ZFYVE16: variants seen among roughly 807,000 people sequenced by gnomAD.
The protein encoded by ZFYVE16 is zinc finger FYVE domain-containing protein 16.
A neutral mutation model predicts 138.1 loss-of-function variants in ZFYVE16; 89 were observed. The ratio of observed to expected loss-of-function variants is 0.64; its 90% CI spans 0.54 to 0.77. The LOEUF (loss-of-function observed/expected upper bound fraction) is 0.77. Ranked by LOEUF, ZFYVE16 falls within the 30% of genes least tolerant of loss-of-function variation. The pLI is 0.00. For missense variants in ZFYVE16, 1,793 were observed against 1,786.7 expected (o/e 1.00, Z -0.06); for synonymous variants, 596 against 618.3 (o/e 0.96, Z 0.53).
In ZFYVE16 at chr5:80,450,477, C is replaced by T. The variant is rs1751867096; in HGVS notation, c.3273C>T (p.Gly1091=). The T allele has an allele frequency of 1.9e-6, 3 of 1,613,612 alleles. No individual in the cohort carries two copies. Among genetic ancestry groups the T allele is most frequent in the Non-Finnish European group, 2.5e-6 (3 of 1,179,734 alleles). Residue 1091 remains glycine, a synonymous_variant, in exon 10 of 19, where the codon GGC becomes GGT. Transcript: ENST00000505560. The part of the protein sequence containing the change: ...YWYFSTNGLH[G]LGQAEIIILL... Reference sequence around the variant, plus strand: ...ACTTTTCAACCAATGGATTGCATGGCTTGGGACAGGCAGAAATTATTATTC... The same window carrying T: ...ACTTTTCAACCAATGGATTGCATGGTTTGGGACAGGCAGAAATTATTATTC...
At chr5:80,407,621 G>A (rs893570501), upstream of ZFYVE16, among the ~76,000 whole-genome samples, 9 of 152,236 alleles carry the variant, frequency 5.9e-5, no homozygotes, top group Non-Finnish European at 1.2e-4. Flanking sequence ...TGTTTTCCGA[G>A]GGGCCAGCAG....
chr5:80,466,642 C>G (rs1753785714), intron 15 of ZFYVE16, among the ~76,000 whole-genome samples: 1 of 152,082 alleles, frequency 6.6e-6, no homozygotes, highest in Non-Finnish European at 1.5e-5. Context: ...CATATACAGG[C>G]CATATTTTCC....
chr5:80,432,050 C>A (rs989334179), intron 2 of ZFYVE16, among the ~76,000 whole-genome samples: 8 of 152,180 alleles, frequency 5.3e-5, no homozygotes, highest in Admixed American at 3.9e-4. Context: ...CATCAAGCTA[C>A]CAATGACTTT....
chr5:80,441,288 C>T (rs1750682167), intron 5 of ZFYVE16: 1 of 985,126 alleles, frequency 1.0e-6, no homozygotes, highest in African/African-American at 1.7e-5. Context: ...TATTTTGACT[C>T]TAAGGGTCCA....
intron 1 of ZFYVE16, among the ~76,000 whole-genome samples, chr5:80,414,617 A>G (rs1745936291): frequency 6.6e-6 from 1 of 152,164 alleles, no homozygotes; most frequent in Non-Finnish European, 1.5e-5. Context: ...GCAAGTATGT[A>G]TTGAGCACAT....
At chr5:80,429,092 G>A (rs550006634) in intron 2 of ZFYVE16, among the ~76,000 whole-genome samples, 170 of 152,124 alleles carry the variant, frequency 1.1e-3, no homozygotes, top group African/African-American at 4.0e-3. Context: ...TTCAAATTCA[G>A]GAATACAGAG....
intron 1 of ZFYVE16, among the ~76,000 whole-genome samples, chr5:80,419,943 C>T (rs1309139600): frequency 1.3e-5 from 2 of 151,680 alleles, no homozygotes; most frequent in Non-Finnish European, 2.9e-5. Context: ...TCCTGAGTAG[C>T]TGGGATTACA....
intron 4 of ZFYVE16, among the ~76,000 whole-genome samples, chr5:80,439,256 T>C (rs917346924): frequency 6.6e-6 from 1 of 152,238 alleles, no homozygotes; most frequent in Non-Finnish European, 1.5e-5. Context: ...ATTTAGTTAC[T>C]AATTTTTGTG....
chr5:80,456,906 T>G, intron 13 of ZFYVE16, 39 bp from the exon 14 acceptor site: 1 of 1,568,736 alleles, frequency 6.4e-7, no homozygotes, highest in Non-Finnish European at 8.6e-7. Flanking sequence ...ATATTAAAAG[T>G]GTTTCTAAAT....
intron 15 of ZFYVE16, among the ~76,000 whole-genome samples, chr5:80,468,932 A>G (rs958397921): frequency 1.3e-5 from 2 of 152,026 alleles, no homozygotes; most frequent in African/African-American, 4.8e-5. Flanking sequence ...CTAATATAAT[A>G]GAAGCAATAA....
rs1752462532 is a variant in ZFYVE16, at chr5:80,455,729, A to T, written c.3645A>T (p.Lys1215Asn). The T allele has an allele frequency of 6.3e-7, 1 of 1,593,686 alleles. No individual in the cohort carries two copies. Among genetic ancestry groups the T allele is most frequent in the Middle Eastern group, 1.7e-4 (1 of 6,012 alleles). Residue 1215 changes from lysine (K) to asparagine (N), a missense_variant, in exon 12 of 19, where the codon AAA (lysine) becomes AAT (asparagine). Physicochemically the swap from Lys to Asn is moderately conservative, Grantham distance 94 (BLOSUM62 0). Transcript: ENST00000505560. ...CTCTAACAAGCATCAGAGGCCGAAAACCTCTTTTTGGAGAAATAGGACACA... is the reference window on the plus strand; with the variant it reads ...CTCTAACAAGCATCAGAGGCCGAAATCCTCTTTTTGGAGAAATAGGACACA... Reference protein sequence around the residue: ...PAPLTSIRGRKPLFGEIGHTI... With the variant: ...PAPLTSIRGRNPLFGEIGHTI...
At chr5:80,458,004 C>T (rs1000828308) in intron 14 of ZFYVE16, among the ~76,000 whole-genome samples, 8 of 129,604 alleles carry the variant, frequency 6.2e-5, no homozygotes, top group South Asian at 2.3e-4. Flanking sequence ...CCCGCCTGAG[C>T]GACAGAGAAA....
chr5:80,442,024 A>T (rs1225653928), intron 5 of ZFYVE16: 2 of 659,140 alleles, frequency 3.0e-6, no homozygotes, highest in Non-Finnish European at 3.8e-6. Flanking sequence ...AAACAAAAAG[A>T]TATCAGATGG....
chr5:80,455,494 G>A (rs576254280), intron 11 of ZFYVE16, 198 bp from the exon 12 acceptor site: 13 of 509,468 alleles, frequency 2.6e-5, no homozygotes, highest in Admixed American at 1.1e-4. Context: ...AGATTGCACC[G>A]CTGCACTCCA....
At chr5:80,427,601 T>C (rs1748269414) in intron 2 of ZFYVE16, 56 bp downstream of exon 2, 1 of 139,742 alleles carries the variant, frequency 7.2e-6, no homozygotes, top group Non-Finnish European at 1.5e-5. Flanking sequence ...CTTGTGCCTC[T>C]GTCGTATGCT....
At chr5:80,455,944 G>A (rs1006118524) in intron 12 of ZFYVE16, 170 bp downstream of exon 12, 2 of 600,762 alleles carry the variant, frequency 3.3e-6, no homozygotes, top group South Asian at 2.3e-5. Flanking sequence ...AGTTTTTGAC[G>A]AATTGCTTTT....
chr5:80,416,246 G>GTTTTTT (rs1746206841), intron 1 of ZFYVE16, among the ~76,000 whole-genome samples: 1 of 107,926 alleles, frequency 9.3e-6, no homozygotes, highest in African/African-American at 3.4e-5. Flanking sequence ...TGAATACATA[G>GTTTTTT]ATTTTTTTTT....
chr5:80,416,484 G>T (rs542506510), intron 1 of ZFYVE16, among the ~76,000 whole-genome samples: 172 of 151,176 alleles, frequency 1.1e-3, no homozygotes, highest in African/African-American at 4.0e-3. Context: ...TCGATCTCTT[G>T]ACCTCAGGTG....
intron 15 of ZFYVE16, among the ~76,000 whole-genome samples, chr5:80,464,146 A>C (rs1267648032): frequency 6.6e-6 from 1 of 152,120 alleles, no homozygotes; most frequent in East Asian, 1.9e-4. Context: ...TCTTTATAGC[A>C]ACACCCCACT....
Sources: allele counts gnomAD v4.1 joint callset (sites outside exome capture counted in the v4.1 genomes callset), GRCh38; gene constraint gnomAD v4.1.1; transcripts MANE v1.5; gene names NCBI Gene and HGNC (gene_info 2026-07-23, HGNC 2026-07-21).